PSMD13: variants seen among roughly 807,000 people sequenced by gnomAD.
The protein encoded by PSMD13 is 26S proteasome non-ATPase regulatory subunit 13.
PSMD13 carries 8 observed loss-of-function variants against 57.4 expected under a neutral mutation model. That is an observed-to-expected ratio of 0.14 (90% CI 0.08 to 0.25). The LOEUF (loss-of-function observed/expected upper bound fraction) is 0.25. PSMD13 is among the 10% of genes least tolerant of loss of function. PSMD13 has a pLI of 1.00. For synonymous variants in PSMD13, 193 were observed against 168.2 expected (o/e 1.15, Z -1.14); for missense variants, 400 against 461.5 (o/e 0.87, Z 1.22).
Position 251,040 on chromosome 11 carries a change from T to C in PSMD13, c.837+175T>C. On this transcript the variant is annotated intron_variant, in intron 10 of 12. Transcript: ENST00000532097. The surrounding 1 kb of genome is among the most constrained non-coding windows in gnomAD (Gnocchi z 4.6). Reference sequence around the variant, plus strand: ...TTTGCTACCACTTGCTCTTCTAAGTTTATATTTGGCTCTTAGCTCAGACGA... The same window carrying C: ...TTTGCTACCACTTGCTCTTCTAAGTCTATATTTGGCTCTTAGCTCAGACGA... The C allele has an allele frequency of 1.6e-6, 1 of 612,532 alleles. No individual in the cohort carries two copies. The highest frequency in any genetic ancestry group is 2.8e-5 in the Admixed American group (1 of 35,854). The allele number at this position is 612,532 out of a possible 1,614,324, so 37.9% of individuals were successfully genotyped here. A position where few individuals can be genotyped will look rare whatever the true frequency, so the allele number is the denominator to read the frequency against.
intron 1 of PSMD13, among the ~76,000 whole-genome samples, chr11:237,577 G>A (rs1318627789): frequency 6.6e-6 from 1 of 152,288 alleles, no homozygotes; most frequent in East Asian, 1.9e-4. Context: ...TTGTCATAGT[G>A]TAACTGTATC....
At chr11:246,893 A>G (rs1415398529) in intron 6 of PSMD13, among the ~76,000 whole-genome samples, 2 of 151,970 alleles carry the variant, frequency 1.3e-5, no homozygotes, top group Non-Finnish European at 2.9e-5. Flanking sequence ...TTGTCTCCTG[A>G]CTCATTTGTA....
At chr11:238,235 T>C (rs887048805) in intron 1 of PSMD13, among the ~76,000 whole-genome samples, 1 of 152,208 alleles carries the variant, frequency 6.6e-6, no homozygotes, top group African/African-American at 2.4e-5. Flanking sequence ...ACTCAGCTAA[T>C]AGGTAGAAGA....
rs372235579 is a variant in PSMD13 at position 237,397 on chromosome 11, G to A, written c.95+253G>A. On this transcript the variant is annotated intron_variant, in intron 1 of 12. Coordinates refer to ENST00000532097, the MANE Select transcript of PSMD13 (RefSeq NM_002817.4). ...AGGATGTTTCGGTCTGAGATTCACT[G>A]CTTCCTTAACGGGGGACTGAGACTG... Among the ~76,000 whole-genome samples, 53 of 152,344 alleles carry A rather than the reference G, an allele frequency of 3.5e-4. No individual in the cohort carries two copies. In the East Asian group the frequency reaches 6.2e-3, roughly 18 times the overall value.
Position 252,389 on chromosome 11 carries a change from G to A in PSMD13, c.1036-116G>A, listed in dbSNP as rs971305729. On this transcript the variant is annotated intron_variant, in intron 12 of 12. Transcript: ENST00000532097. The surrounding 1 kb of genome is among the most constrained non-coding windows in gnomAD (Gnocchi z 4.1). ...CAGCTCAGAGGTCCTTTTTACTAGA[G>A]CTGCCCTAGAGAGTTAGCTGGAGAT... 7 of 913,426 alleles carry A rather than the reference G, an allele frequency of 7.7e-6. No individual in the cohort carries two copies. The highest frequency in any genetic ancestry group is 1.2e-5 in the Non-Finnish European group (7 of 567,320). 56.6% of individuals were successfully genotyped at this position (913,426 alleles called of 1,614,324 possible).
rs1859505003 is a variant in PSMD13, at chr11:241,109, G to T, written c.174+2033G>T. Among the ~76,000 whole-genome samples, 3 of 144,036 alleles carry T rather than the reference G, an allele frequency of 2.1e-5. No individual in the cohort carries two copies. In the South Asian group the frequency reaches 6.7e-4, roughly 32 times the overall value. The allele number at this position is 144,036 out of a possible 152,430, so 94.5% of individuals were successfully genotyped here. On this transcript the variant is annotated intron_variant, in intron 2 of 12. Coordinates refer to ENST00000532097, the MANE Select transcript of PSMD13 (RefSeq NM_002817.4). ...GGCCTCCCAAAGTGCTGGGATTACAGGTGTGAACCACCACCTGGCCACCAT... is the reference window on the plus strand; with the variant it reads ...GGCCTCCCAAAGTGCTGGGATTACATGTGTGAACCACCACCTGGCCACCAT...
intron 7 of PSMD13, 93 bp downstream of exon 7, chr11:247,541 C>T (rs1355967203): frequency 2.1e-6 from 3 of 1,434,628 alleles, no homozygotes; most frequent in East Asian, 4.7e-5. Context: ...TCAGAAATTA[C>T]TAAGGTGGGG....
At chr11:247,255 T>C in intron 6 of PSMD13, 22 bp from the exon 7 acceptor site, 3 of 1,586,288 alleles carry the variant, frequency 1.9e-6, no homozygotes, top group Non-Finnish European at 2.6e-6. Flanking sequence ...AAAAGAGAGA[T>C]GATTTTCCTT....
chr11:251,646 G>A lies in PSMD13; in HGVS notation c.918+20G>A. The A allele has an allele frequency of 1.2e-6, 2 of 1,604,494 alleles. No homozygotes were observed. The highest frequency in any genetic ancestry group is 1.7e-6 in the Non-Finnish European group (2 of 1,171,728). ...AATGAGGTACGGTCCCTAGGCTCAG[G>A]GTGTTAGAGCAGCAAAGCTGCCACA... On this transcript the variant is annotated intron_variant, in intron 11 of 12. Coordinates refer to ENST00000532097, the MANE Select transcript of PSMD13 (RefSeq NM_002817.4). This position sits in a 1 kb window ranked among gnomAD's most constrained non-coding sequence, Gnocchi z 4.6.
At chr11:244,385 C>T in intron 4 of PSMD13, 41 bp from the exon 5 acceptor site, 1 of 1,597,504 alleles carries the variant, frequency 6.3e-7, no homozygotes, top group Non-Finnish European at 8.6e-7. Flanking sequence ...TAGCAGAAAC[C>T]AGTCTGTTGA....
In PSMD13 at chr11:244,413, C is replaced by G. The variant is rs547225940; in HGVS notation, c.266-13C>G. 6.2e-7 allele frequency: 1 copy of G among 1,608,964 alleles called. No homozygotes were observed. The highest frequency in any genetic ancestry group is 1.1e-5 in the South Asian group (1 of 90,842). On this transcript the variant is annotated splice_polypyrimidine_tract_variant and intron_variant, in intron 4 of 12. Transcript: ENST00000532097. ...TCTGTTGATGGTCCTTCTGATTGTTCCTTCTTTTCCAGATCCTAATGTGGC... is the reference window on the plus strand; with the variant it reads ...TCTGTTGATGGTCCTTCTGATTGTTGCTTCTTTTCCAGATCCTAATGTGGC...
chr11:244,091 C>G lies in PSMD13; in HGVS notation c.209+16C>G, dbSNP rs773191693. On this transcript the variant is annotated intron_variant, in intron 3 of 12. Transcript: ENST00000532097. ...TTGAACACAGGTAAAAGCCTCTCAT[C>G]CGTTTTTCACTTTGAAAATGAGTGC... is the stretch of plus-strand genomic sequence containing the variant. 1.2e-6 allele frequency: 2 copies of G among 1,609,138 alleles called. No homozygotes were observed. Among genetic ancestry groups the G allele is most frequent in the East Asian group, 4.5e-5 (2 of 44,744 alleles).
In PSMD13 at chr11:237,036, G is replaced by T. The variant is rs776882117; in HGVS notation, c.-14G>T. The T allele has an allele frequency of 1.2e-6, 2 of 1,603,380 alleles. No homozygotes were observed. The highest frequency in any genetic ancestry group is 1.3e-5 in the African/African-American group (1 of 74,676). ...TCCCGGTTGTTCTTCTGTGCCGGGG[G>T]TCTTCCTGCTGTCATGAAGGACGTA... On this transcript the variant is annotated 5_prime_UTR_variant, in exon 1 of 13. Coordinates refer to ENST00000532097, the MANE Select transcript of PSMD13 (RefSeq NM_002817.4).
intron 2 of PSMD13, among the ~76,000 whole-genome samples, chr11:241,374 C>T (rs192897964): frequency 1.3e-5 from 2 of 151,398 alleles, no homozygotes; most frequent in Admixed American, 1.3e-4. Flanking sequence ...CCTGTCCTCA[C>T]GTGATCCACC....
At chr11:243,919 G>GGCTT in intron 2 of PSMD13, 122 bp from the exon 3 acceptor site, 1 of 942,726 alleles carries the variant, frequency 1.1e-6, no homozygotes, top group Non-Finnish European at 1.6e-6. Flanking sequence ...TGGGCACTGT[G>GGCTT]GCTTGCACAC....
Position 252,833 on chromosome 11 carries a change from A to G in PSMD13, c.*233A>G. 2.0e-6 allele frequency: 1 copy of G among 500,106 alleles called. No homozygotes were observed. The allele number at this position is 500,106 out of a possible 1,614,324, so 31.0% of individuals were successfully genotyped here. ...CAGAGGGTGGGGGTCTCAGGGTCTTAGGTGATACGGGAGAGAAAGAACGTG... is the reference window on the plus strand; with the variant it reads ...CAGAGGGTGGGGGTCTCAGGGTCTTGGGTGATACGGGAGAGAAAGAACGTG... On this transcript the variant is annotated 3_prime_UTR_variant, in exon 13 of 13. Coordinates refer to ENST00000532097, the MANE Select transcript of PSMD13 (RefSeq NM_002817.4). The surrounding 1 kb of genome is among the most constrained non-coding windows in gnomAD (Gnocchi z 4.1).
chr11:243,915 C>T (rs1203894480), intron 2 of PSMD13, 126 bp from the exon 3 acceptor site: 3 of 884,982 alleles, frequency 3.4e-6, no homozygotes, highest in African/African-American at 1.7e-5. Flanking sequence ...GTGCTGGGCA[C>T]TGTGGCTTGC....
rs1046862302 is a variant in PSMD13 at position 251,308 on chromosome 11, G to A, written c.838-238G>A. On this transcript the variant is annotated intron_variant, in intron 10 of 12. Transcript: ENST00000532097. The surrounding 1 kb of genome is among the most constrained non-coding windows in gnomAD (Gnocchi z 4.6). ...AATTGTGGCCTCAAGTACTTGTTCG[G>A]GGATTGAACAATGGCTACTGTCAGA... 1 of 526,530 alleles carries A rather than the reference G, an allele frequency of 1.9e-6. No homozygotes were observed. Among genetic ancestry groups the A allele is most frequent in the African/African-American group, 1.9e-5 (1 of 52,260 alleles). The allele number at this position is 526,530 out of a possible 1,614,324, so 32.6% of individuals were successfully genotyped here. A position where few individuals can be genotyped will look rare whatever the true frequency, so the allele number is the denominator to read the frequency against.
In PSMD13 at chr11:237,126, A is replaced by G. The variant is rs1386506578; in HGVS notation, c.77A>G (p.Glu26Gly). 1 of 1,608,642 alleles carries G rather than the reference A, an allele frequency of 6.2e-7. No homozygotes were observed. The highest frequency in any genetic ancestry group is 1.7e-4 in the Middle Eastern group (1 of 5,966). ...PGQPAVWHRL[E>G]ELYTKKLWHQ... Reference sequence around the variant, plus strand: ...CAGCCCGCTGTGTGGCACCGTCTGGAGGAGCTCTACACGAAGAAGTGAGCG... The same window carrying G: ...CAGCCCGCTGTGTGGCACCGTCTGGGGGAGCTCTACACGAAGAAGTGAGCG... The change falls in exon 1 of 13, where the codon GAG becomes GGG. Residue 26 changes from glutamate to glycine, a missense_variant. Coordinates refer to ENST00000532097, the MANE Select transcript of PSMD13 (RefSeq NM_002817.4).
Sources: gnomAD v4.1 joint callset for allele counts (sites outside exome capture counted in the v4.1 genomes callset) on GRCh38, gnomAD v4.1.1 for gene constraint, Gnocchi (gnomAD v3.1) non-coding constraint, MANE v1.5 for transcripts, NCBI Gene and HGNC (gene_info 2026-07-23, HGNC 2026-07-21) for gene names.